Variants in KAZN observed in about 807,000 individuals in gnomAD.
The protein encoded by KAZN is kazrin.
Under a neutral mutation model 87.4 loss-of-function variants are expected in KAZN, and 40 were observed. The ratio of observed to expected loss-of-function variants is 0.46; its 90% confidence interval spans 0.36 to 0.60. The LOEUF (loss-of-function observed/expected upper bound fraction) is 0.60, where lower values mean the gene tolerates loss of function less well. KAZN is among the 20% of genes least tolerant of loss of function. The pLI is 0.00. For synonymous variants in KAZN, 466 were observed against 458.3 expected (o/e 1.02, Z -0.22); for missense variants, 898 against 1,073.9 (o/e 0.84, Z 2.29).
chr1:15,047,470 A>T (rs1033453833), intron 4 of KAZN, among the ~76,000 whole-genome samples: 6 of 152,184 alleles, frequency 3.9e-5, no homozygotes, highest in Admixed American at 3.3e-4. Flanking sequence ...TAGCAATGGC[A>T]GAAGCCACGG....
intron 4 of KAZN, among the ~76,000 whole-genome samples, chr1:15,055,542 A>G (rs982449865): frequency 6.6e-6 from 1 of 151,918 alleles, no homozygotes; most frequent in African/African-American, 2.4e-5. Flanking sequence ...TTGGTGGGTA[A>G]CCCCCAGGTT....
intron 2 of KAZN, among the ~76,000 whole-genome samples, chr1:14,239,217 G>A (rs946253893): frequency 7.9e-5 from 12 of 152,152 alleles, no homozygotes; most frequent in South Asian, 2.1e-4. Flanking sequence ...GGCACACAGA[G>A]GTGATGCTTT....
At chr1:14,231,521 GA>G (rs1420021061) in intron 2 of KAZN, among the ~76,000 whole-genome samples, 1 of 152,186 alleles carries the variant, frequency 6.6e-6, no homozygotes, top group East Asian at 1.9e-4. Context: ...AAGAGCCAAT[GA>G]CAGAATCAAA....
At chr1:14,030,444 G>C (rs147234854) in intron 1 of KAZN, among the ~76,000 whole-genome samples, 1 of 121,300 alleles carries the variant, frequency 8.2e-6, no homozygotes, top group African/African-American at 3.0e-5. Context: ...GTGGGGGGAG[G>C]GGGGAGAGAT....
At chr1:14,629,385 C>T (rs1679392397) in intron 1 of KAZN, among the ~76,000 whole-genome samples, 1 of 152,202 alleles carries the variant, frequency 6.6e-6, no homozygotes, top group South Asian at 2.1e-4. Flanking sequence ...GTTCCCTTTG[C>T]TCTTCTACTA....
At chr1:14,624,582 A>G (rs1360443859) in intron 1 of KAZN, among the ~76,000 whole-genome samples, 1 of 152,162 alleles carries the variant, frequency 6.6e-6, no homozygotes, top group Non-Finnish European at 1.5e-5. Context: ...CTGCTTTATC[A>G]TCATAAAAAA....
At chr1:13,995,738 TCA>T (rs1639484274) in intron 1 of KAZN, among the ~76,000 whole-genome samples, 4 of 152,186 alleles carry the variant, frequency 2.6e-5, no homozygotes, top group Admixed American at 1.3e-4. Context: ...CTCTTGAACA[TCA>T]GACTTCAGGT....
chr1:14,816,585 G>A (rs1381519981), intron 1 of KAZN, among the ~76,000 whole-genome samples: 1 of 152,116 alleles, frequency 6.6e-6, no homozygotes. Flanking sequence ...AAGCAAGAGG[G>A]AGTCATAGAT....
intron 1 of KAZN, among the ~76,000 whole-genome samples, chr1:14,643,609 G>C (rs1680575049): frequency 6.6e-6 from 1 of 152,146 alleles, no homozygotes; most frequent in Non-Finnish European, 1.5e-5. Flanking sequence ...TTGCTATTGT[G>C]AATAGTTCTG....
intron 2 of KAZN, among the ~76,000 whole-genome samples, chr1:14,359,400 CTG>C (rs1659314835): frequency 6.6e-6 from 1 of 152,138 alleles, no homozygotes; most frequent in African/African-American, 2.4e-5. Flanking sequence ...ACTTGCCAGT[CTG>C]TGTCTTTTAA....
chr1:15,110,209 GTGT>G (rs1641490539), intron 13 of KAZN, among the ~76,000 whole-genome samples: 2 of 144,752 alleles, frequency 1.4e-5, no homozygotes, highest in African/African-American at 2.5e-5. Context: ...TGTTTAGGTG[GTGT>G]TTGTGTGTGT....
At chr1:14,638,638 C>T (rs934423779) in intron 1 of KAZN, among the ~76,000 whole-genome samples, 6 of 151,692 alleles carry the variant, frequency 4.0e-5, no homozygotes, top group African/African-American at 7.3e-5. Context: ...AGACCCTGCC[C>T]GCAGTGGGAA....
At chr1:14,566,409 A>T (rs944607974) in intron 2 of KAZN, among the ~76,000 whole-genome samples, 5 of 152,242 alleles carry the variant, frequency 3.3e-5, no homozygotes, top group Non-Finnish European at 7.3e-5. Context: ...TAGAGCACAG[A>T]TGAGTACATT....
intron 1 of KAZN, among the ~76,000 whole-genome samples, chr1:14,154,018 T>A (rs574577695): frequency 2.0e-5 from 3 of 152,098 alleles, no homozygotes; most frequent in East Asian, 1.9e-4. Context: ...AATTTTAGGA[T>A]TTTTTTTCTA....
intron 2 of KAZN, among the ~76,000 whole-genome samples, chr1:14,528,418 CTCTAGT>C (rs1315150466): frequency 2.0e-5 from 3 of 151,356 alleles, no homozygotes; most frequent in African/African-American, 2.4e-5. Flanking sequence ...ACACGCTGAC[CTCTAGT>C]TCTAGTTCTT....
chr1:14,211,471 G>T (rs928544478), intron 2 of KAZN, among the ~76,000 whole-genome samples: 1 of 152,066 alleles, frequency 6.6e-6, no homozygotes, highest in African/African-American at 2.4e-5. Flanking sequence ...TGATCTGCCC[G>T]CCTCGGCCTC....
intron 2 of KAZN, among the ~76,000 whole-genome samples, chr1:14,240,863 GGAGGGAGTTAGA>G (rs1342752291): frequency 6.6e-6 from 1 of 152,222 alleles, no homozygotes; most frequent in Non-Finnish European, 1.5e-5. Flanking sequence ...CAGGGGCATG[GGAGGGAGTTAGA>G]GAGGTACCAC....
intron 8 of KAZN, among the ~76,000 whole-genome samples, chr1:15,087,066 C>A (rs1640291748): frequency 6.6e-6 from 1 of 152,184 alleles, no homozygotes. Context: ...AAATCAGAAG[C>A]AGAGAAAGCT....
chr1:13,896,736 T>A (rs1392777363), intron 1 of KAZN, among the ~76,000 whole-genome samples: 2 of 152,224 alleles, frequency 1.3e-5, no homozygotes, highest in African/African-American at 2.4e-5. Context: ...AATTGCATAG[T>A]CCCTGGTGAC....
Sources: allele counts gnomAD v4.1 joint callset (sites outside exome capture counted in the v4.1 genomes callset), GRCh38; gene constraint gnomAD v4.1.1; transcripts MANE v1.5; gene names NCBI Gene and HGNC (gene_info 2026-07-23, HGNC 2026-07-21).